The following MALRD1 variants were observed in gnomAD, a reference collection of about 807,000 sequenced individuals.
The protein encoded by MALRD1 is MAM and LDL-receptor class A domain-containing protein 1.
In MALRD1, 247 loss-of-function variants were observed where a neutral mutation model predicts 242.1. That is an observed-to-expected ratio of 1.02 (90% CI 0.92 to 1.13). The LOEUF is 1.13. Among genes scored for constraint, MALRD1 ranks in the 50% most tolerant of loss-of-function variants. The pLI, the probability that MALRD1 is intolerant of heterozygous loss-of-function variation, is 0.00. For missense variants in MALRD1, 2,989 were observed against 2,533.1 expected, an observed-to-expected ratio of 1.18 and a Z score of -3.86; for synonymous variants, 995 against 866.6, an observed-to-expected ratio of 1.15 and a Z score of -2.60.
At chr10:19,701,357 A>G (rs1490709191) in intron 38 of MALRD1, among the ~76,000 whole-genome samples, 1 of 152,008 alleles carries the variant, frequency 6.6e-6, no homozygotes, top group Non-Finnish European at 1.5e-5. Context: ...TGCGGCCCGG[A>G]TAGTTCTGGG....
At chr10:19,330,158 T>A (rs949094303) in intron 23 of MALRD1, among the ~76,000 whole-genome samples, 2 of 151,800 alleles carry the variant, frequency 1.3e-5, no homozygotes, top group African/African-American at 4.8e-5. Flanking sequence ...CTTACTAATA[T>A]TTTTTTTCTT....
In MALRD1 at chr10:19,531,331, A is replaced by C; in HGVS notation, c.5458A>C (p.Arg1820=). Residue 1820 remains arginine, a synonymous_variant, in exon 32 of 40, where the codon AGG becomes CGG. Coordinates refer to ENST00000454679, the MANE Select transcript of MALRD1 (RefSeq NM_001142308.3). ...VRFWFYMIDP[R]SMGILKVYTI... ...GTTCTGGTTCTACATGATTGATCCCAGGAGTATGGGAATATTAAAGGTACA... is the reference window on the plus strand; with the variant it reads ...GTTCTGGTTCTACATGATTGATCCCCGGAGTATGGGAATATTAAAGGTACA... 1.3e-6 allele frequency: 2 copies of C among 1,546,030 alleles called. No individual in the cohort carries two copies. The highest frequency in any genetic ancestry group is 1.7e-6 in the Non-Finnish European group (2 of 1,143,962).
intron 34 of MALRD1, among the ~76,000 whole-genome samples, chr10:19,600,981 C>G (rs1045507773): frequency 6.6e-6 from 1 of 152,024 alleles, no homozygotes; most frequent in Non-Finnish European, 1.5e-5. Flanking sequence ...CCCTCCCAGG[C>G]TCAAGCAATC....
chr10:19,280,018 A>G (rs1840728132), intron 19 of MALRD1, 29 bp from the exon 20 acceptor site: 2 of 1,435,652 alleles, frequency 1.4e-6, no homozygotes, highest in South Asian at 1.5e-5. Context: ...AACCTGCTAA[A>G]TGATGCCTGT....
chr10:19,685,001 C>A lies in MALRD1; in HGVS notation c.6138-7281C>A, dbSNP rs145690035. Among the ~76,000 whole-genome samples the A allele has an allele frequency of 2.2e-3, 334 of 152,220 alleles. 2 individuals carry two copies. The highest frequency in any genetic ancestry group is 7.6e-3 in the African/African-American group (315 of 41,536). On this transcript the variant is annotated intron_variant, in intron 36 of 39. Transcript: ENST00000454679. ...ATTAACAACTCATATTTGGATATAT[C>A]TCTCCAGAAAAAATCAGTTATAGGA...
intron 5 of MALRD1, among the ~76,000 whole-genome samples, chr10:19,107,205 G>A (rs777615101): frequency 1.2e-4 from 18 of 152,024 alleles, no homozygotes; most frequent in South Asian, 2.1e-4. Context: ...TGAATTATCC[G>A]TCCATTGCTG....
At chr10:19,277,649 T>A (rs1464630199) in intron 19 of MALRD1, among the ~76,000 whole-genome samples, 1 of 152,240 alleles carries the variant, frequency 6.6e-6, no homozygotes, top group Admixed American at 6.5e-5. Flanking sequence ...TTTCACATTT[T>A]AGAAGACCAC....
chr10:19,505,347 T>G (rs930876774), intron 31 of MALRD1, among the ~76,000 whole-genome samples: 2 of 152,086 alleles, frequency 1.3e-5, no homozygotes, highest in South Asian at 4.1e-4. Flanking sequence ...AGTAGGTGAT[T>G]AATGTTAAAT....
At chr10:19,157,015 G>C (rs1314912813) in intron 12 of MALRD1, among the ~76,000 whole-genome samples, 2 of 152,106 alleles carry the variant, frequency 1.3e-5, no homozygotes, top group African/African-American at 4.8e-5. Flanking sequence ...CTGTTTCAAG[G>C]AGCCACTGCA....
chr10:19,173,376 T>C (rs1835093385), intron 13 of MALRD1, among the ~76,000 whole-genome samples: 1 of 152,158 alleles, frequency 6.6e-6, no homozygotes, highest in South Asian at 2.1e-4. Context: ...TTCTTTCCTG[T>C]CATTTGTCAT....
chr10:19,332,922 G>A (rs144246117), intron 24 of MALRD1, among the ~76,000 whole-genome samples: 2 of 152,018 alleles, frequency 1.3e-5, no homozygotes, highest in African/African-American at 2.4e-5. Flanking sequence ...TGTGCACAAC[G>A]TGCAGGTTTG....
At chr10:19,353,062 A>G (rs1265762011) in intron 26 of MALRD1, among the ~76,000 whole-genome samples, 1 of 151,748 alleles carries the variant, frequency 6.6e-6, no homozygotes, top group Non-Finnish European at 1.5e-5. Context: ...ACTGGAGTGC[A>G]GTGGTACAAT....
At chr10:19,343,319 C>G (rs1288650395) in intron 24 of MALRD1, among the ~76,000 whole-genome samples, 1 of 152,020 alleles carries the variant, frequency 6.6e-6, no homozygotes, top group Non-Finnish European at 1.5e-5. Flanking sequence ...ATGCATTTTT[C>G]CCTCAGTGGT....
intron 2 of MALRD1, among the ~76,000 whole-genome samples, chr10:19,068,832 A>T (rs558173472): frequency 1.3e-5 from 2 of 152,262 alleles, no homozygotes; most frequent in Non-Finnish European, 2.9e-5. Flanking sequence ...TATATTTTTC[A>T]TTATGTAACC....
intron 32 of MALRD1, among the ~76,000 whole-genome samples, chr10:19,553,329 A>G (rs985535019): frequency 6.6e-6 from 1 of 152,194 alleles, no homozygotes; most frequent in Non-Finnish European, 1.5e-5. Context: ...ATATATGTAT[A>G]TATTGAATTC....
At chr10:19,474,374 T>C (rs1470104669) in intron 29 of MALRD1, among the ~76,000 whole-genome samples, 3 of 152,178 alleles carry the variant, frequency 2.0e-5, no homozygotes, top group African/African-American at 7.2e-5. Context: ...CAAAGAGATT[T>C]GAGTAAAAGT....
At position 19,286,500 on chromosome 10, in the gene MALRD1, A is replaced by G. The variant is rs536326618; in HGVS notation, c.3419+3319A>G. On this transcript the variant is annotated intron_variant, in intron 21 of 39. Transcript: ENST00000454679. ...TTTGTCAAAGGCTTTTTCTGCATCT[A>G]TTGAGATAATCATGTGGTTTTTGTC... Among the ~76,000 whole-genome samples, 72 of 152,290 alleles carry G rather than the reference A, an allele frequency of 4.7e-4. 1 individual carries two copies. Among genetic ancestry groups the G allele is most frequent in the African/African-American group, 1.7e-3 (70 of 41,574 alleles).
At chr10:19,599,616 T>C (rs1236521730) in intron 34 of MALRD1, among the ~76,000 whole-genome samples, 1 of 152,104 alleles carries the variant, frequency 6.6e-6, no homozygotes, top group East Asian at 1.9e-4. Context: ...TGGCAAGAAA[T>C]AGTTATTGAT....
intron 19 of MALRD1, among the ~76,000 whole-genome samples, chr10:19,278,648 A>G (rs569289252): frequency 1.3e-5 from 2 of 152,236 alleles, no homozygotes; most frequent in East Asian, 1.9e-4. Context: ...TTTATCCCAA[A>G]TACCTGTAAT....
Sources: gnomAD v4.1 joint callset for allele counts (sites outside exome capture counted in the v4.1 genomes callset) on GRCh38, gnomAD v4.1.1 for gene constraint, MANE v1.5 for transcripts, NCBI Gene and HGNC (gene_info 2026-07-23, HGNC 2026-07-21) for gene names.